Variants in SEC61B observed in about 807,000 individuals in gnomAD.
SEC61B encodes the protein protein transport protein Sec61 subunit beta.
In SEC61B, 7 loss-of-function variants were observed where a neutral mutation model predicts 12.6. The observed-to-expected ratio is 0.55, with a 90% CI of 0.32 to 1.04. The LOEUF (loss-of-function observed/expected upper bound fraction) is 1.04. Ranked by LOEUF, SEC61B falls within the 50% of genes least tolerant of loss-of-function variation. SEC61B has a pLI of 0.05. For synonymous variants in SEC61B, 54 were observed against 50.1 expected (o/e 1.08, Z -0.33); for missense variants, 107 against 130.1 (o/e 0.82, Z 0.86).
In SEC61B at chr9:99,230,614, T is replaced by C; in HGVS notation, c.*190T>C. ...GCTAATAAACTTTTTAATTCACTTA[T>C]ACTGAGTCTGATCGTTGATGCCTCA... On this transcript the variant is annotated 3_prime_UTR_variant, in exon 4 of 4. Coordinates refer to ENST00000223641, the MANE Select transcript of SEC61B (RefSeq NM_006808.3). 2.0e-6 allele frequency: 1 copy of C among 498,828 alleles called. No individual in the cohort carries two copies. Among genetic ancestry groups the C allele is most frequent in the Non-Finnish European group, 3.5e-6 (1 of 284,086 alleles). 30.9% of individuals were successfully genotyped at this position (498,828 alleles called of 1,614,324 possible).
intron 3 of SEC61B, among the ~76,000 whole-genome samples, chr9:99,229,386 A>G (rs1018277248): frequency 1.3e-5 from 2 of 152,040 alleles, no homozygotes; most frequent in South Asian, 2.1e-4. Context: ...GTGCAATGGC[A>G]TGATCATAGC....
intron 3 of SEC61B, among the ~76,000 whole-genome samples, chr9:99,229,187 C>T (rs1828931990): frequency 1.3e-5 from 2 of 152,060 alleles, no homozygotes; most frequent in Non-Finnish European, 2.9e-5. Flanking sequence ...CTTGTTTTCT[C>T]TTATATTGGA....
chr9:99,223,128 CTT>C (rs1283845971), intron 2 of SEC61B: 1 of 152,858 alleles, frequency 6.5e-6, no homozygotes, highest in East Asian at 1.9e-4. Context: ...TTCTTATGCT[CTT>C]TCTCTCTCTA....
intron 2 of SEC61B, among the ~76,000 whole-genome samples, chr9:99,227,661 A>G (rs1828914311): frequency 1.3e-5 from 2 of 152,188 alleles, no homozygotes; most frequent in African/African-American, 4.8e-5. Context: ...TGCCTCATTT[A>G]TAAAATGGAA....
rs1386435365 is a variant in SEC61B at position 99,229,118 on chromosome 9, T to G, written c.203+1118T>G. Among the ~76,000 whole-genome samples the G allele has an allele frequency of 2.0e-5, 3 of 152,086 alleles. No individual in the cohort carries two copies. In the East Asian group the frequency reaches 5.8e-4, roughly 29 times the overall value. ...AATTAATTTGACCAGCACCTTGACT[T>G]TAGTTTACAAAGTCACAAAAGGATC... On this transcript the variant is annotated intron_variant, in intron 3 of 3. Transcript: ENST00000223641.
Position 99,227,934 on chromosome 9 carries a change from G to A in SEC61B, c.137G>A (p.Arg46His), listed in dbSNP as rs759102342. 5 of 1,613,924 alleles carry A rather than the reference G, an allele frequency of 3.1e-6. No individual in the cohort carries two copies. Among genetic ancestry groups the A allele is most frequent in the East Asian group, 2.2e-5 (1 of 44,896 alleles). The change falls in exon 3 of 4, where the codon CGC (arginine) becomes CAC (histidine). Residue 46 changes from arginine to histidine, a missense_variant. Physicochemically the swap from Arg to His is conservative, Grantham distance 29. Transcript: ENST00000223641. ...NASCGTRSAG[R>H]TTSAGTGGMW... The stretch of plus-strand genomic sequence containing the variant: ...AGCTGTGGGACAAGGAGTGCAGGCC[G>A]CACAACCTCGGCAGGCACCGGGGGG...
At chr9:99,222,915 G>GA (rs1564225378) in intron 2 of SEC61B, 1 of 365,182 alleles carries the variant, frequency 2.7e-6, no homozygotes, top group Non-Finnish European at 5.0e-6. Flanking sequence ...CATTAAACTG[G>GA]TGTCTCTGGA....
intron 2 of SEC61B, among the ~76,000 whole-genome samples, chr9:99,227,004 G>T (rs763712466): frequency 2.6e-5 from 4 of 151,850 alleles, no homozygotes; most frequent in African/African-American, 2.4e-5. Context: ...GCGGTGGCTT[G>T]CACCTGTAAT....
At chr9:99,229,574 G>C (rs1010435220) in intron 3 of SEC61B, among the ~76,000 whole-genome samples, 10 of 152,150 alleles carry the variant, frequency 6.6e-5, no homozygotes, top group Non-Finnish European at 1.2e-4. Flanking sequence ...CTAACTCCTG[G>C]CCTCAGCCTC....
intron 2 of SEC61B, among the ~76,000 whole-genome samples, chr9:99,225,125 A>G (rs143677010): frequency 2.0e-3 from 299 of 152,368 alleles, no homozygotes; most frequent in African/African-American, 6.5e-3. Flanking sequence ...ACATCAAGGT[A>G]TTGAGGTCTA....
rs1828917554 is a variant in SEC61B, at chr9:99,227,905, T to C, written c.108T>C (p.Asn36=). The C allele has an allele frequency of 6.8e-6, 11 of 1,613,844 alleles. No individual in the cohort carries two copies. Among genetic ancestry groups the C allele is most frequent in the Non-Finnish European group, 9.3e-6 (11 of 1,179,860 alleles). ...ACATTTTCCTCTCTTTCAGGAAAAA[T>C]GCCAGCTGTGGGACAAGGAGTGCAG... The part of the protein sequence containing the change: ...AAGSTVRQRK[N]ASCGTRSAGR... The change falls in exon 3 of 4, where the codon AAT becomes AAC. Residue 36 remains asparagine, a synonymous_variant. Transcript: ENST00000223641.
At chr9:99,223,715 T>C (rs1465475452) in intron 2 of SEC61B, among the ~76,000 whole-genome samples, 2 of 152,214 alleles carry the variant, frequency 1.3e-5, no homozygotes, top group Non-Finnish European at 2.9e-5. Flanking sequence ...TTCTTTGCTG[T>C]CCTATGATCC....
intron 2 of SEC61B, among the ~76,000 whole-genome samples, chr9:99,226,024 T>C (rs188737581): frequency 1.1e-4 from 17 of 152,372 alleles, no homozygotes; most frequent in African/African-American, 3.8e-4. Flanking sequence ...TGAAACCTTT[T>C]CTAAGGGCAT....
chr9:99,230,438 C>T lies in SEC61B; in HGVS notation c.*14C>T. ...ACTCGTTCGTAGATTCAGTTACATC[C>T]ATCTGTCATCTGAAGAAGGAGGAAA... is the stretch of plus-strand genomic sequence containing the variant. On this transcript the variant is annotated 3_prime_UTR_variant, in exon 4 of 4. Coordinates refer to ENST00000223641, the MANE Select transcript of SEC61B (RefSeq NM_006808.3). 1 of 1,529,928 alleles carries T rather than the reference C, an allele frequency of 6.5e-7. No individual in the cohort carries two copies. Among genetic ancestry groups the T allele is most frequent in the Non-Finnish European group, 9.0e-7 (1 of 1,110,280 alleles). 94.8% of individuals were successfully genotyped at this position (1,529,928 alleles called of 1,614,324 possible). A position where few individuals can be genotyped will look rare whatever the true frequency, so the allele number is the denominator to read the frequency against.
chr9:99,222,839 TAC>T, intron 2 of SEC61B, 196 bp downstream of exon 2: 1 of 494,254 alleles, frequency 2.0e-6, no homozygotes. Context: ...TTTAGGGCAC[TAC>T]TCTTAAAAAA....
intron 2 of SEC61B, 92 bp from the exon 3 acceptor site, chr9:99,227,807 T>C: frequency 1.1e-6 from 1 of 880,652 alleles, no homozygotes; most frequent in Non-Finnish European, 1.8e-6. Context: ...TTTTTTTTGA[T>C]TCCTTAACTG....
At position 99,230,467 on chromosome 9, in the gene SEC61B, C is replaced by A. The variant is rs746279915; in HGVS notation, c.*43C>A. ...TGTCATCTGAAGAAGGAGGAAAAAACCCAACATTTCTTGGACCAAAAGTAT... is the reference window on the plus strand; with the variant it reads ...TGTCATCTGAAGAAGGAGGAAAAAAACCAACATTTCTTGGACCAAAAGTAT... On this transcript the variant is annotated 3_prime_UTR_variant, in exon 4 of 4. Transcript: ENST00000223641. 52 of 1,350,056 alleles carry A rather than the reference C, an allele frequency of 3.9e-5. No homozygotes were observed. In the African/African-American group the frequency reaches 5.8e-4, roughly 15 times the overall value. 83.6% of individuals were successfully genotyped at this position (1,350,056 alleles called of 1,614,324 possible).
At chr9:99,227,399 T>C (rs1828911709) in intron 2 of SEC61B, among the ~76,000 whole-genome samples, 1 of 152,056 alleles carries the variant, frequency 6.6e-6, no homozygotes, top group Non-Finnish European at 1.5e-5. Flanking sequence ...GCAGTAAATA[T>C]ACTAATTTTA....
At chr9:99,222,671 C>A in intron 2 of SEC61B, 28 bp downstream of exon 2, 1 of 1,450,792 alleles carries the variant, frequency 6.9e-7, no homozygotes, top group Non-Finnish European at 9.3e-7. Context: ...TCGTTCGCTT[C>A]CAGACTCGGA....
Sources: gnomAD v4.1 joint callset for allele counts (sites outside exome capture counted in the v4.1 genomes callset) on GRCh38, gnomAD v4.1.1 for gene constraint, MANE v1.5 for transcripts, NCBI Gene and HGNC (gene_info 2026-07-23, HGNC 2026-07-21) for gene names.